MTMR9: variants seen among roughly 807,000 people sequenced by gnomAD.
MTMR9 encodes myotubularin-related protein 9.
MTMR9 carries 39 observed loss-of-function variants against 69.5 expected under a neutral mutation model. The ratio of observed to expected loss-of-function variants is 0.56; its 90% confidence interval spans 0.43 to 0.73. MTMR9 has a LOEUF of 0.73. Among genes scored for constraint, MTMR9 ranks in the 30% least tolerant of loss-of-function variants. The pLI is 0.00. For synonymous variants in MTMR9, 354 were observed against 240.8 expected (o/e 1.47, Z -4.35); for missense variants, 900 against 671.2 (o/e 1.34, Z -3.77).
downstream of MTMR9, chr8:11,330,857 A>G (rs1425487798): frequency 4.7e-6 from 3 of 638,792 alleles, no homozygotes; most frequent in African/African-American, 3.7e-5. Context: ...TCCCTCCACT[A>G]TTGTCCTATG....
At chr8:11,319,553 C>A in intron 8 of MTMR9, 134 bp from the exon 9 acceptor site, 1 of 865,876 alleles carries the variant, frequency 1.2e-6, no homozygotes, top group Non-Finnish European at 1.8e-6. Context: ...GATTTTTCAA[C>A]ACTTTGTTTC....
intron 2 of MTMR9, 32 bp downstream of exon 2, chr8:11,295,334 C>T (rs370355471): frequency 1.1e-5 from 13 of 1,205,128 alleles, no homozygotes; most frequent in African/African-American, 1.5e-5. Flanking sequence ...TCTAATGAAA[C>T]ATAATTTTAT....
chr8:11,290,986 AG>A (rs546857063), intron 1 of MTMR9, among the ~76,000 whole-genome samples: 162 of 152,072 alleles, frequency 1.1e-3, no homozygotes, highest in African/African-American at 3.9e-3. Flanking sequence ...GAAGACTCAA[AG>A]GCAGTTGCAA....
At chr8:11,297,359 T>C (rs1218337434) in intron 2 of MTMR9, among the ~76,000 whole-genome samples, 5 of 152,250 alleles carry the variant, frequency 3.3e-5, no homozygotes, top group Non-Finnish European at 7.3e-5. Flanking sequence ...GTCTTACACA[T>C]CTGTCATTTG....
At chr8:11,305,067 T>G (rs1799889659) in intron 4 of MTMR9, 53 bp downstream of exon 4, 6 of 1,541,334 alleles carry the variant, frequency 3.9e-6, no homozygotes, top group Middle Eastern at 1.8e-4. Flanking sequence ...GTTGGGGATC[T>G]TTTCGTAGAA....
intron 3 of MTMR9, chr8:11,300,725 G>C (rs1336607237): frequency 6.6e-6 from 1 of 152,192 alleles, no homozygotes; most frequent in Non-Finnish European, 1.5e-5. Context: ...GGCAACAAGC[G>C]ATCTGACAAT....
At chr8:11,293,937 A>G (rs1393779693) in intron 1 of MTMR9, among the ~76,000 whole-genome samples, 1 of 152,094 alleles carries the variant, frequency 6.6e-6, no homozygotes, top group Non-Finnish European at 1.5e-5. Context: ...TGTCTTAATT[A>G]CTGTAGCTTT....
At chr8:11,299,055 C>T (rs544841344) in intron 2 of MTMR9, among the ~76,000 whole-genome samples, 71 of 152,238 alleles carry the variant, frequency 4.7e-4, no homozygotes, top group African/African-American at 1.5e-3. Flanking sequence ...TGGCCAGGTG[C>T]GGTGGCTCAC....
chr8:11,328,642 A>T (rs146167078), downstream of MTMR9, among the ~76,000 whole-genome samples: 2 of 152,222 alleles, frequency 1.3e-5, no homozygotes, highest in African/African-American at 4.8e-5. Flanking sequence ...GACTTAGGCA[A>T]TGCCTAACAG....
At chr8:11,296,032 AT>A (rs1799546514) in intron 2 of MTMR9, among the ~76,000 whole-genome samples, 1 of 152,152 alleles carries the variant, frequency 6.6e-6, no homozygotes, top group Admixed American at 6.5e-5. Flanking sequence ...ATCTTTTGTA[AT>A]AAATACAGTT....
chr8:11,285,834 A>T (rs1192578026), intron 1 of MTMR9, among the ~76,000 whole-genome samples: 1 of 152,198 alleles, frequency 6.6e-6, no homozygotes, highest in Non-Finnish European at 1.5e-5. Flanking sequence ...TCCGTTTTAC[A>T]CAGAAGTATA....
At chr8:11,293,889 T>G (rs1042199306) in intron 1 of MTMR9, among the ~76,000 whole-genome samples, 1 of 152,224 alleles carries the variant, frequency 6.6e-6, no homozygotes, top group Non-Finnish European at 1.5e-5. Context: ...TCTTTTTTTC[T>G]GTTCAGTTGA....
At chr8:11,313,053 C>T (rs537765190) in intron 6 of MTMR9, among the ~76,000 whole-genome samples, 1 of 152,320 alleles carries the variant, frequency 6.6e-6, no homozygotes, top group East Asian at 1.9e-4. Context: ...AGAGCACAGG[C>T]AGAGTAGATT....
intron 4 of MTMR9, among the ~76,000 whole-genome samples, chr8:11,305,852 T>G (rs1396750494): frequency 6.6e-6 from 1 of 152,244 alleles, no homozygotes; most frequent in African/African-American, 2.4e-5. Flanking sequence ...CAAGGTTTAC[T>G]GGCTCATAGG....
Position 11,326,875 on chromosome 8 carries a change from C to G in MTMR9, c.*4087C>G, listed in dbSNP as rs952125637. 3 of 148,632 alleles carry G rather than the reference C, an allele frequency of 2.0e-5. No individual in the cohort carries two copies. The highest frequency in any genetic ancestry group is 4.4e-5 in the Non-Finnish European group (3 of 67,704). 9.2% of individuals were successfully genotyped at this position (148,632 alleles called of 1,614,324 possible). On this transcript the variant is annotated 3_prime_UTR_variant, in exon 10 of 10. Coordinates refer to ENST00000221086, the MANE Select transcript of MTMR9 (RefSeq NM_015458.4). ...GTCCCAGCTACTCAGGAGGCTGAGG[C>G]AGGAGAATGGTGTGAACCCGGGAGG... is the stretch of plus-strand genomic sequence containing the variant.
At chr8:11,332,029 C>G (rs560493610), downstream of MTMR9, 26 of 1,611,758 alleles carry the variant, frequency 1.6e-5, no homozygotes, top group Non-Finnish European at 2.0e-5. Flanking sequence ...GTGGCACTTT[C>G]TGACATCATG....
At chr8:11,332,083 G>C (rs540056808), downstream of MTMR9, 4 of 1,611,732 alleles carry the variant, frequency 2.5e-6, no homozygotes, top group Non-Finnish European at 3.4e-6. Flanking sequence ...ATTACAGCCC[G>C]GAACCTCAGC....
chr8:11,307,789 T>A (rs568004128), intron 5 of MTMR9, among the ~76,000 whole-genome samples: 6 of 152,358 alleles, frequency 3.9e-5, no homozygotes, highest in African/African-American at 1.4e-4. Context: ...TTCATTTCTC[T>A]GTTGATGAGT....
chr8:11,305,128 C>T, intron 4 of MTMR9, 114 bp downstream of exon 4: 1 of 1,005,652 alleles, frequency 9.9e-7, no homozygotes. Context: ...TCCAGGTCTC[C>T]ACCACAAGGG....
Sources: gnomAD v4.1 joint callset for allele counts (sites outside exome capture counted in the v4.1 genomes callset) on GRCh38, gnomAD v4.1.1 for gene constraint, MANE v1.5 for transcripts, NCBI Gene and HGNC (gene_info 2026-07-23, HGNC 2026-07-21) for gene names.